HEMK2: variants seen among roughly 807,000 people sequenced by gnomAD.
The protein encoded by HEMK2 is methyltransferase HEMK2.
the HEMK2 span, among the ~76,000 whole-genome samples, chr21:28,847,342 G>C: frequency 6.6e-6 from 1 of 152,016 alleles, no homozygotes. Flanking sequence ...GCATGTCATC[G>C]TGATTTTGAT....
the HEMK2 span, among the ~76,000 whole-genome samples, chr21:28,782,150 T>C: frequency 1.3e-5 from 2 of 152,250 alleles, no homozygotes; most frequent in Non-Finnish European, 2.9e-5. Flanking sequence ...ATAGTCTTAA[T>C]CTTTGCAGTG....
At chr21:28,707,360 A>T in the HEMK2 span, among the ~76,000 whole-genome samples, 1 of 150,912 alleles carries the variant, frequency 6.6e-6, no homozygotes, top group Non-Finnish European at 1.5e-5. Context: ...CATTCAAGTG[A>T]TCCTCCCACC....
At chr21:28,776,037 G>T in the HEMK2 span, among the ~76,000 whole-genome samples, 3 of 152,240 alleles carry the variant, frequency 2.0e-5, no homozygotes, top group Admixed American at 2.0e-4. Context: ...AAAGGATCCT[G>T]CAGAGGAGTT....
At chr21:28,691,994 A>G in the HEMK2 span, among the ~76,000 whole-genome samples, 202 of 152,322 alleles carry the variant, frequency 1.3e-3, no homozygotes, top group African/African-American at 4.7e-3. Flanking sequence ...AATCTTACTC[A>G]TTATTTGACT....
chr21:28,790,453 T>C, the HEMK2 span, among the ~76,000 whole-genome samples: 3 of 152,128 alleles, frequency 2.0e-5, no homozygotes, highest in Admixed American at 6.5e-5. Context: ...AGTTCTGGTG[T>C]TTTGCTGATC....
chr21:28,731,318 G>T, the HEMK2 span, among the ~76,000 whole-genome samples: 1 of 152,170 alleles, frequency 6.6e-6, no homozygotes, highest in African/African-American at 2.4e-5. Flanking sequence ...AATGGAGCTA[G>T]AATCTATAAA....
At chr21:28,635,624 A>T in the HEMK2 span, among the ~76,000 whole-genome samples, 1 of 152,234 alleles carries the variant, frequency 6.6e-6, no homozygotes, top group African/African-American at 2.4e-5. Flanking sequence ...TACACATCTT[A>T]TTTAAAAATA....
At chr21:28,608,312 A>G in the HEMK2 span, among the ~76,000 whole-genome samples, 1 of 152,084 alleles carries the variant, frequency 6.6e-6, no homozygotes, top group African/African-American at 2.4e-5. Context: ...TTAGGGTATC[A>G]ATTGCATTTT....
the HEMK2 span, among the ~76,000 whole-genome samples, chr21:28,607,669 G>A: frequency 6.6e-6 from 1 of 152,128 alleles, no homozygotes; most frequent in Non-Finnish European, 1.5e-5. Flanking sequence ...AGCTCATTCT[G>A]TCTTATTTAT....
chr21:28,798,539 C>A, the HEMK2 span, among the ~76,000 whole-genome samples: 1 of 151,950 alleles, frequency 6.6e-6, no homozygotes, highest in East Asian at 1.9e-4. Context: ...CTATTTATCA[C>A]CCATAAAGTC....
At chr21:28,824,221 T>C in the HEMK2 span, among the ~76,000 whole-genome samples, 1 of 152,196 alleles carries the variant, frequency 6.6e-6, no homozygotes, top group Non-Finnish European at 1.5e-5. Flanking sequence ...GCTGCTGTTG[T>C]TGTTGTCGTT....
the HEMK2 span, among the ~76,000 whole-genome samples, chr21:28,859,412 G>A: frequency 1.3e-5 from 2 of 152,122 alleles, no homozygotes; most frequent in Admixed American, 6.5e-5. Context: ...TGGTCATCCA[G>A]TTTACCAATT....
At chr21:28,737,750 C>T in the HEMK2 span, among the ~76,000 whole-genome samples, 1 of 152,216 alleles carries the variant, frequency 6.6e-6, no homozygotes, top group South Asian at 2.1e-4. Flanking sequence ...ACATACATCA[C>T]TTCACTGCTC....
the HEMK2 span, among the ~76,000 whole-genome samples, chr21:28,839,140 A>C: frequency 6.6e-6 from 1 of 151,548 alleles, no homozygotes; most frequent in Non-Finnish European, 1.5e-5. Context: ...ATTTCAATAG[A>C]TGCAGAAAAA....
chr21:28,578,521 T>G, the HEMK2 span, among the ~76,000 whole-genome samples: 1 of 152,026 alleles, frequency 6.6e-6, no homozygotes, highest in African/African-American at 2.4e-5. Context: ...CACAGCGGGG[T>G]TTCACTGGGG....
chr21:28,674,166 C>T, the HEMK2 span, among the ~76,000 whole-genome samples: 2 of 152,146 alleles, frequency 1.3e-5, no homozygotes, highest in African/African-American at 4.8e-5. Context: ...CTCCCATTAG[C>T]GCCATGACAG....
the HEMK2 span, among the ~76,000 whole-genome samples, chr21:28,747,770 A>G: frequency 6.6e-6 from 1 of 152,260 alleles, no homozygotes; most frequent in Admixed American, 6.5e-5. Context: ...TGGATAGGAC[A>G]TCTTATCCTT....
chr21:28,584,842 T>A, the HEMK2 span, among the ~76,000 whole-genome samples: 2 of 152,030 alleles, frequency 1.3e-5, no homozygotes, highest in African/African-American at 4.8e-5. Flanking sequence ...AAGAAAATCA[T>A]CTGTCTCTCC....
At chr21:28,812,329 T>C in the HEMK2 span, among the ~76,000 whole-genome samples, 1 of 152,158 alleles carries the variant, frequency 6.6e-6, no homozygotes, top group Non-Finnish European at 1.5e-5. Flanking sequence ...CAATACCTAG[T>C]TTATTGAAAG....
Sources: gnomAD v4.1 joint callset for allele counts (sites outside exome capture counted in the v4.1 genomes callset) on GRCh38, gnomAD v4.1.1 for gene constraint, MANE v1.5 for transcripts, NCBI Gene and HGNC (gene_info 2026-07-23, HGNC 2026-07-21) for gene names.